The following LNX1 variants were observed in gnomAD, a reference collection of about 807,000 sequenced individuals.
LNX1 encodes the protein ligand of numb-protein X 1.
Under a neutral mutation model 68.4 loss-of-function variants are expected in LNX1, and 54 were observed. The observed-to-expected ratio is 0.79, with a 90% CI of 0.63 to 0.99. LNX1 has a LOEUF of 0.99. LNX1 is among the 50% of genes least tolerant of loss of function. LNX1 has a pLI of 0.00. For missense variants in LNX1, 906 were observed against 926.4 expected (o/e 0.98, Z 0.29); for synonymous variants, 336 against 350.0 (o/e 0.96, Z 0.45).
intron 2 of LNX1, among the ~76,000 whole-genome samples, chr4:53,552,554 C>T (rs531429609): frequency 2.0e-5 from 3 of 152,196 alleles, no homozygotes; most frequent in South Asian, 2.1e-4. Context: ...TTAGGCTAGG[C>T]GCAGTGGCTC....
intron 1 of LNX1, among the ~76,000 whole-genome samples, chr4:53,636,178 C>T (rs770531645): frequency 8.3e-4 from 85 of 101,976 alleles, no homozygotes; most frequent in African/African-American, 3.0e-3. Context: ...ATCTATTACT[C>T]CTTTTTTTTT....
chr4:53,533,477 C>T (rs757338555), intron 2 of LNX1, among the ~76,000 whole-genome samples: 1 of 152,200 alleles, frequency 6.6e-6, no homozygotes, highest in Non-Finnish European at 1.5e-5. Context: ...CAGCTCACCG[C>T]AACTTTTGCC....
chr4:53,536,674 C>T (rs1444349373), intron 2 of LNX1, among the ~76,000 whole-genome samples: 1 of 152,206 alleles, frequency 6.6e-6, no homozygotes, highest in Non-Finnish European at 1.5e-5. Flanking sequence ...ACAGCTTCCT[C>T]AAATGAATGC....
intron 2 of LNX1, among the ~76,000 whole-genome samples, chr4:53,555,221 G>A (rs190723000): frequency 1.1e-4 from 16 of 152,216 alleles, no homozygotes; most frequent in East Asian, 1.9e-4. Flanking sequence ...GCTCCCAAGC[G>A]TGCTAAACTG....
intron 2 of LNX1, among the ~76,000 whole-genome samples, chr4:53,613,031 A>C (rs1733552601): frequency 6.6e-6 from 1 of 151,196 alleles, no homozygotes; most frequent in Non-Finnish European, 1.5e-5. Flanking sequence ...GTGTATGTGC[A>C]TGTGTATGTC....
At chr4:53,620,314 CAT>C (rs1409034001), upstream of LNX1, among the ~76,000 whole-genome samples, 1 of 152,048 alleles carries the variant, frequency 6.6e-6, no homozygotes, top group Non-Finnish European at 1.5e-5. Context: ...AACCTGTGAA[CAT>C]ATTATAAATG....
intron 2 of LNX1, among the ~76,000 whole-genome samples, chr4:53,541,934 T>G (rs1188576941): frequency 6.6e-6 from 1 of 152,236 alleles, no homozygotes; most frequent in Non-Finnish European, 1.5e-5. Context: ...GAAGGAATAT[T>G]TGGCAAACAT....
intron 2 of LNX1, among the ~76,000 whole-genome samples, chr4:53,612,132 C>T (rs891869402): frequency 6.6e-6 from 1 of 152,088 alleles, no homozygotes; most frequent in Non-Finnish European, 1.5e-5. Flanking sequence ...TCGGAAATAT[C>T]CTCAAATTTA....
intron 1 of LNX1, among the ~76,000 whole-genome samples, chr4:53,627,127 GC>G (rs1440452736): frequency 6.6e-6 from 1 of 152,192 alleles, no homozygotes; most frequent in Non-Finnish European, 1.5e-5. Context: ...AACATTTCAA[GC>G]TTTGTAGCCA....
chr4:53,510,300 A>C (rs1230470548), intron 2 of LNX1, among the ~76,000 whole-genome samples: 2 of 152,248 alleles, frequency 1.3e-5, no homozygotes, highest in Non-Finnish European at 1.5e-5. Flanking sequence ...CTGATGGCAC[A>C]TTTTAAAATG....
intron 2 of LNX1, among the ~76,000 whole-genome samples, chr4:53,540,826 T>A (rs1397839743): frequency 6.6e-6 from 1 of 152,190 alleles, no homozygotes; most frequent in East Asian, 1.9e-4. Context: ...AAGGGCACTG[T>A]ATTTGATTCT....
intron 2 of LNX1, among the ~76,000 whole-genome samples, chr4:53,552,267 G>A (rs188049345): frequency 1.2e-4 from 19 of 152,250 alleles, no homozygotes; most frequent in African/African-American, 4.3e-4. Flanking sequence ...TGAAAAGCGA[G>A]TCCCAAACTA....
intron 2 of LNX1, among the ~76,000 whole-genome samples, chr4:53,508,960 T>G (rs1726126046): frequency 1.3e-5 from 2 of 151,908 alleles, no homozygotes; most frequent in African/African-American, 4.8e-5. Flanking sequence ...TCCAGAAAAC[T>G]CCACAAAAAC....
intron 2 of LNX1, among the ~76,000 whole-genome samples, chr4:53,552,280 T>C (rs527722083): frequency 4.6e-5 from 7 of 152,158 alleles, no homozygotes; most frequent in South Asian, 2.1e-4. Context: ...CCAAACTAAC[T>C]GTGCATCCAC....
At chr4:53,560,932 T>C (rs1730241110) in intron 2 of LNX1, among the ~76,000 whole-genome samples, 1 of 152,242 alleles carries the variant, frequency 6.6e-6, no homozygotes, top group Admixed American at 6.5e-5. Context: ...GATTGCTCCA[T>C]GGCTTCCTTG....
In LNX1 at chr4:53,573,730, G is replaced by A. The variant is rs1179683268; in HGVS notation, c.273C>T (p.Ser91=). The A allele has an allele frequency of 2.5e-6, 4 of 1,611,244 alleles. No homozygotes were observed. The highest frequency in any genetic ancestry group is 2.7e-5 in the African/African-American group (2 of 74,890). Residue 91 remains serine (S), a synonymous_variant, in exon 2 of 11, where the codon AGC becomes AGT. Transcript: ENST00000263925. ...PLVLQHCKKS[S]ILVNKLLNKL... ...TGTTGAGGAGTTTGTTGACCAGGATGCTGGACTTCTTGCAGTGCTGCAGAA... is the reference window on the plus strand; with the variant it reads ...TGTTGAGGAGTTTGTTGACCAGGATACTGGACTTCTTGCAGTGCTGCAGAA...
In LNX1 at chr4:53,545,801, CA is replaced by C. The variant is rs1265442009; in HGVS notation, c.380+27821del. 2.3e-3 allele frequency among the ~76,000 whole-genome samples: 267 copies of C among 116,804 alleles called. 4 individuals are homozygous for C. The highest frequency in any genetic ancestry group is 8.0e-3 in the African/African-American group (252 of 31,666). 76.6% of individuals were successfully genotyped at this position (116,804 alleles called of 152,430 possible). On this transcript the variant is annotated intron_variant, in intron 2 of 10. Coordinates refer to ENST00000263925, the MANE Select transcript of LNX1 (RefSeq NM_001126328.3). ...CAGATTTGAATGACTTCAGAGGCCA[CA>C]TTTTTTTTTTTTTTTTTTTTTTTGA...
intron 1 of LNX1, among the ~76,000 whole-genome samples, chr4:53,639,737 C>G (rs10027377): frequency 0.027 from 4,124 of 152,214 alleles, 194 homozygotes; most frequent in African/African-American, 0.091. Flanking sequence ...GAGGCATAAT[C>G]AAGAGTTATT....
chr4:53,556,079 T>C (rs1013120124), intron 2 of LNX1, among the ~76,000 whole-genome samples: 8 of 152,296 alleles, frequency 5.3e-5, no homozygotes, highest in South Asian at 4.1e-4. Flanking sequence ...AAGGGTCTTG[T>C]AGATGCAATT....
Sources: allele counts gnomAD v4.1 joint callset (sites outside exome capture counted in the v4.1 genomes callset), GRCh38; gene constraint gnomAD v4.1.1; transcripts MANE v1.5; gene names NCBI Gene and HGNC (gene_info 2026-07-23, HGNC 2026-07-21).